Variants in ARHGEF37 observed in about 807,000 individuals in gnomAD.
ARHGEF37 encodes the protein Rho guanine nucleotide exchange factor (GEF) 37.
In ARHGEF37, 55 loss-of-function variants were observed where a neutral mutation model predicts 71.1. The ratio of observed to expected loss-of-function variants is 0.77; its 90% confidence interval spans 0.62 to 0.97. ARHGEF37 has a LOEUF of 0.97. Ranked by LOEUF, ARHGEF37 falls within the 50% of genes least tolerant of loss-of-function variation. The pLI, the probability that ARHGEF37 is intolerant of heterozygous loss-of-function variation, is 0.00. For missense variants in ARHGEF37, 765 were observed against 836.8 expected (o/e 0.91, Z 1.06); for synonymous variants, 327 against 350.6 (o/e 0.93, Z 0.75).
At chr5:149,630,246 A>T (rs1013127506) in intron 12 of ARHGEF37, among the ~76,000 whole-genome samples, 5 of 152,196 alleles carry the variant, frequency 3.3e-5, no homozygotes, top group African/African-American at 1.2e-4. Flanking sequence ...CTTTGCAGGG[A>T]TGGAGTCCAT....
At chr5:149,614,906 TGAGTCTTCAAGG>T (rs1361974704) in intron 4 of ARHGEF37, among the ~76,000 whole-genome samples, 1 of 152,122 alleles carries the variant, frequency 6.6e-6, no homozygotes, top group Non-Finnish European at 1.5e-5. Context: ...CAGCATTGGT[TGAGTCTTCAAGG>T]AGAAGGCACA....
intron 6 of ARHGEF37, 28 bp from the exon 7 acceptor site, chr5:149,618,910 T>G (rs1752454514): frequency 1.3e-5 from 21 of 1,579,250 alleles, no homozygotes; most frequent in Non-Finnish European, 1.8e-5. Flanking sequence ...ATGTGGATAT[T>G]CTCAACCCTC....
rs200332555 is a variant in ARHGEF37 at position 149,618,234 on chromosome 5, C to A, written c.717C>A (p.Asn239Lys). The change falls in exon 6 of 13, where the codon AAC (asparagine) becomes AAA (lysine). Residue 239 changes from asparagine (N) to lysine (K), a missense_variant. Physicochemically the swap from Asn to Lys is moderately conservative, Grantham distance 94. Around this residue, in one of 5 missense-constraint regions of ARHGEF37, gnomAD observed 167 missense variants for 173.3 expected, o/e 0.96. Coordinates refer to ENST00000333677, the MANE Select transcript of ARHGEF37 (RefSeq NM_001001669.3). ...TCCGGGAGCGGCTGGCCCGCATCAA[C>A]ACACACACCCTCTCCAAGAAGACCA... ...LTLRERLARI[N>K]THTLSKKTTR... 3.2e-5 allele frequency: 52 copies of A among 1,614,174 alleles called. No homozygotes were observed. In the East Asian group the frequency reaches 1.1e-3, roughly 35 times the overall value.
chr5:149,564,546 C>T (rs879690903), intron 1 of ARHGEF37, among the ~76,000 whole-genome samples: 3 of 152,160 alleles, frequency 2.0e-5, no homozygotes, highest in African/African-American at 4.8e-5. Context: ...CATCCTCGGC[C>T]GGGCGCGGTG....
chr5:149,563,119 C>G (rs1291249144), intron 1 of ARHGEF37, among the ~76,000 whole-genome samples: 2 of 152,188 alleles, frequency 1.3e-5, no homozygotes, highest in Non-Finnish European at 2.9e-5. Context: ...CTTGATCCAG[C>G]TGTCTGATCC....
intron 1 of ARHGEF37, among the ~76,000 whole-genome samples, chr5:149,582,073 A>G (rs1763120856): frequency 6.6e-6 from 1 of 152,262 alleles, no homozygotes; most frequent in Non-Finnish European, 1.5e-5. Context: ...TCCGTGATCC[A>G]TAGGTGAGGT....
At chr5:149,616,846 C>T in intron 5 of ARHGEF37, 80 bp downstream of exon 5, 3 of 1,391,700 alleles carry the variant, frequency 2.2e-6, no homozygotes, top group Middle Eastern at 1.9e-4. Context: ...TCTGCTTCAC[C>T]AGTAAAGAGA....
At chr5:149,585,606 C>A (rs760089610) in intron 1 of ARHGEF37, among the ~76,000 whole-genome samples, 2 of 152,178 alleles carry the variant, frequency 1.3e-5, no homozygotes, top group Non-Finnish European at 2.9e-5. Context: ...CAACCTCCGC[C>A]TCCTGGGTTC....
At chr5:149,615,305 A>AT (rs71587785) in intron 4 of ARHGEF37, among the ~76,000 whole-genome samples, 41,521 of 141,856 alleles carry the variant, frequency 0.29, 6,024 homozygotes, top group Admixed American at 0.4. Flanking sequence ...TGCCTAGTTA[A>AT]TTTTTTTTTT....
Position 149,621,926 on chromosome 5 carries a change from C to T in ARHGEF37, c.1199C>T (p.Ser400Leu), listed in dbSNP as rs781049357. The change falls in exon 9 of 13, where the codon TCG (serine) becomes TTG (leucine). Residue 400 changes from serine to leucine, a missense_variant. Coordinates refer to ENST00000333677, the MANE Select transcript of ARHGEF37 (RefSeq NM_001001669.3). ...CGGCACACATACCAGGCACTCAACT[C>T]GCTGCTAGTGGCTGAGCTCCCACAG... ...AARHTYQALN[S>L]LLVAELPQFN... 6.2e-6 allele frequency: 10 copies of T among 1,614,250 alleles called. No homozygotes were observed. Among genetic ancestry groups the T allele is most frequent in the African/African-American group, 1.3e-5 (1 of 75,064 alleles).
chr5:149,632,228 G>C lies in ARHGEF37; in HGVS notation c.*37G>C. 1.7e-5 allele frequency: 28 copies of C among 1,604,936 alleles called. No individual in the cohort carries two copies. The highest frequency in any genetic ancestry group is 2.4e-5 in the Non-Finnish European group (28 of 1,173,400). ...TGGAGCCTACATTGCCAAATGATGG[G>C]GGAGGCTTAGAGGCTCTGACCCTGG... On this transcript the variant is annotated 3_prime_UTR_variant, in exon 13 of 13. Coordinates refer to ENST00000333677, the MANE Select transcript of ARHGEF37 (RefSeq NM_001001669.3).
intron 7 of ARHGEF37, 67 bp downstream of exon 7, chr5:149,619,109 G>A (rs1409855185): frequency 5.2e-6 from 7 of 1,339,288 alleles, no homozygotes; most frequent in Middle Eastern, 3.8e-4. Context: ...AGGCTTGCAG[G>A]GCCCAGCCTA....
chr5:149,606,185 G>A (rs1763907204), intron 3 of ARHGEF37, among the ~76,000 whole-genome samples: 1 of 152,144 alleles, frequency 6.6e-6, no homozygotes, highest in Admixed American at 6.6e-5. Context: ...GTGGGAACCG[G>A]CCTAGGTTTC....
At chr5:149,594,075 A>C (rs1355316821) in intron 1 of ARHGEF37, among the ~76,000 whole-genome samples, 1 of 152,224 alleles carries the variant, frequency 6.6e-6, no homozygotes. Context: ...ATGATCAAAT[A>C]AGGGCATGAT....
Position 149,581,602 on chromosome 5 carries a change from C to T in ARHGEF37, c.-34C>T, listed in dbSNP as rs1763108540. On this transcript the variant is annotated 5_prime_UTR_variant, in exon 1 of 13. Coordinates refer to ENST00000333677, the MANE Select transcript of ARHGEF37 (RefSeq NM_001001669.3). ...GCGGCCGACCTCCGTGCGTGAGCGCCGGCAGGCACCTTGCGCGCGCGGGTG... is the reference window on the plus strand; with the variant it reads ...GCGGCCGACCTCCGTGCGTGAGCGCTGGCAGGCACCTTGCGCGCGCGGGTG... The T allele has an allele frequency of 6.6e-6, 1 of 152,104 alleles. No homozygotes were observed. Among genetic ancestry groups the T allele is most frequent in the African/African-American group, 2.4e-5 (1 of 41,450 alleles). The allele number at this position is 152,104 out of a possible 1,614,324, so 9.4% of individuals were successfully genotyped here.
intron 1 of ARHGEF37, among the ~76,000 whole-genome samples, chr5:149,576,005 G>A (rs1349793773): frequency 6.6e-6 from 1 of 152,156 alleles, no homozygotes; most frequent in Admixed American, 6.5e-5. Flanking sequence ...CAGCACTTTG[G>A]GAGGCCGAGG....
chr5:149,583,093 G>A (rs1362030505), intron 1 of ARHGEF37, among the ~76,000 whole-genome samples: 1 of 152,176 alleles, frequency 6.6e-6, no homozygotes, highest in African/African-American at 2.4e-5. Context: ...GGCTTCACTT[G>A]CCTCTTTCAA....
At chr5:149,585,465 A>T (rs915913512) in intron 1 of ARHGEF37, among the ~76,000 whole-genome samples, 3 of 152,132 alleles carry the variant, frequency 2.0e-5, no homozygotes, top group Admixed American at 6.5e-5. Context: ...TCTCAAAATA[A>T]TTTTTCTGAA....
intron 12 of ARHGEF37, among the ~76,000 whole-genome samples, chr5:149,631,278 C>T (rs1270558014): frequency 6.6e-6 from 1 of 150,928 alleles, no homozygotes; most frequent in Non-Finnish European, 1.5e-5. Context: ...TCAATTAATT[C>T]TCCCACCTCA....
Sources: gnomAD v4.1 joint callset for allele counts (sites outside exome capture counted in the v4.1 genomes callset) on GRCh38, gnomAD v4.1.1 for gene constraint, gnomAD v4.1.1 regional missense constraint, MANE v1.5 for transcripts, NCBI Gene and HGNC (gene_info 2026-07-23, HGNC 2026-07-21) for gene names.